Variants in DCAF16 observed in about 807,000 individuals in gnomAD.
DCAF16 encodes the protein DDB1 and CUL4 associated factor 16.
A neutral mutation model predicts 17.3 loss-of-function variants in DCAF16; 10 were observed. The observed-to-expected ratio is 0.58, with a 90% CI of 0.36 to 0.98. The LOEUF is 0.98. DCAF16 is among the 50% of genes least tolerant of loss of function. The pLI is 0.01. For synonymous variants in DCAF16, 111 were observed against 92.8 expected (o/e 1.20, Z -1.12); for missense variants, 249 against 247.6 (o/e 1.01, Z -0.04).
chr4:17,794,094 G>C, the DCAF16 span, among the ~76,000 whole-genome samples: 4 of 152,078 alleles, frequency 2.6e-5, no homozygotes, highest in Non-Finnish European at 5.9e-5. Context: ...ACCATATCTT[G>C]ATAGCAAAAA....
intron 1 of DCAF16, among the ~76,000 whole-genome samples, chr4:17,805,642 A>G (rs1424475516): frequency 1.3e-5 from 2 of 152,218 alleles, no homozygotes; most frequent in Non-Finnish European, 2.9e-5. Context: ...ATTATCCTGA[A>G]TAAGATGAGA....
intron 1 of DCAF16, among the ~76,000 whole-genome samples, chr4:17,808,924 G>A (rs1368786746): frequency 6.6e-6 from 1 of 152,174 alleles, no homozygotes; most frequent in African/African-American, 2.4e-5. Flanking sequence ...AGCTACTTGG[G>A]AGACTGAGGC....
At chr4:17,807,334 G>A (rs1352038625) in intron 1 of DCAF16, among the ~76,000 whole-genome samples, 1 of 152,156 alleles carries the variant, frequency 6.6e-6, no homozygotes, top group Non-Finnish European at 1.5e-5. Flanking sequence ...ATGAGCAATG[G>A]ACAAAGATAT....
At chr4:17,793,576 A>C in the DCAF16 span, among the ~76,000 whole-genome samples, 1 of 152,208 alleles carries the variant, frequency 6.6e-6, no homozygotes. Context: ...GAAGAAGTAC[A>C]TTGCTGAAAG....
intron 1 of DCAF16, among the ~76,000 whole-genome samples, chr4:17,805,966 TACA>T (rs909608696): frequency 9.2e-5 from 14 of 152,180 alleles, no homozygotes; most frequent in African/African-American, 2.2e-4. Flanking sequence ...GACTCTTCTC[TACA>T]ACAACAACAA....
At position 17,803,825 on chromosome 4, in the gene DCAF16, T is replaced by A. The variant is rs1167704189; in HGVS notation, c.317A>T (p.Lys106Ile). ...GGGCCATTCAGGAATTGGTTCCAGT[T>A]TGGGGACACAATGGGAACAATGGGA... ...RLSHCSHCVP[K>I]LEPIPEWPPL... Residue 106 changes from lysine to isoleucine, a missense_variant, in exon 3 of 3, where the codon AAA becomes ATA. Lys to Ile is a moderately radical substitution (Grantham distance 102). Coordinates refer to ENST00000382247, the MANE Select transcript of DCAF16 (RefSeq NM_017741.4). The A allele has an allele frequency of 1.9e-6, 3 of 1,614,198 alleles. No homozygotes were observed. The highest frequency in any genetic ancestry group is 3.3e-5 in the Admixed American group (2 of 60,026).
chr4:17,808,415 T>C (rs969027621), intron 1 of DCAF16, among the ~76,000 whole-genome samples: 7 of 152,196 alleles, frequency 4.6e-5, no homozygotes, highest in Non-Finnish European at 5.9e-5. Flanking sequence ...TCAGAAAATT[T>C]TTAAAAAGGC....
rs1577327792 is a variant in DCAF16 at position 17,810,737 on chromosome 4, T to C, written c.-1040A>G. ...CGGTGGCAAGGCCACTCCGCTCAGC[T>C]CCCGCGCCGACGCTACTTCCGGCCG... On this transcript the variant is annotated 5_prime_UTR_variant, in exon 1 of 3. Transcript: ENST00000382247. 3 of 210,218 alleles carry C rather than the reference T, an allele frequency of 1.4e-5. No individual in the cohort carries two copies. The highest frequency in any genetic ancestry group is 2.0e-4 in the East Asian group (2 of 10,008). The allele number at this position is 210,218 out of a possible 1,614,324, so 13.0% of individuals were successfully genotyped here.
chr4:17,808,330 A>G (rs1720515581), intron 1 of DCAF16, among the ~76,000 whole-genome samples: 1 of 152,134 alleles, frequency 6.6e-6, no homozygotes, highest in African/African-American at 2.4e-5. Context: ...GTCCTCTAAT[A>G]TTTTTACTAT....
In DCAF16 at chr4:17,803,370, A is replaced by G. The variant is rs1419264926; in HGVS notation, c.*121T>C. 4 of 960,758 alleles carry G rather than the reference A, an allele frequency of 4.2e-6. No homozygotes were observed. The highest frequency in any genetic ancestry group is 6.4e-6 in the Non-Finnish European group (4 of 623,280). The allele number at this position is 960,758 out of a possible 1,614,324, so 59.5% of individuals were successfully genotyped here. A position where few individuals can be genotyped will look rare whatever the true frequency, so the allele number is the denominator to read the frequency against. On this transcript the variant is annotated 3_prime_UTR_variant, in exon 3 of 3. Coordinates refer to ENST00000382247, the MANE Select transcript of DCAF16 (RefSeq NM_017741.4). ...ACAGGGTTTGTCAAAGGGTATCCTCATTGGCTTGCCAGGGCATAAGAGAGT... is the reference window on the plus strand; with the variant it reads ...ACAGGGTTTGTCAAAGGGTATCCTCGTTGGCTTGCCAGGGCATAAGAGAGT...
At chr4:17,808,438 A>G (rs776551911) in intron 1 of DCAF16, among the ~76,000 whole-genome samples, 4 of 152,218 alleles carry the variant, frequency 2.6e-5, no homozygotes, top group Admixed American at 6.5e-5. Context: ...TTACTTTCCC[A>G]TAATTGTTTT....
downstream of DCAF16, among the ~76,000 whole-genome samples, chr4:17,800,316 A>G (rs1719651380): frequency 6.6e-6 from 1 of 152,222 alleles, no homozygotes; most frequent in Non-Finnish European, 1.5e-5. Context: ...AGAAGCCAAC[A>G]TAGGGAGTGC....
chr4:17,809,978 T>G (rs1449536065), intron 1 of DCAF16, among the ~76,000 whole-genome samples: 2 of 152,194 alleles, frequency 1.3e-5, no homozygotes, highest in Non-Finnish European at 2.9e-5. Context: ...GTATATTTCC[T>G]CTGTAGATGT....
At chr4:17,810,401 G>C (rs779849683) in intron 1 of DCAF16, 46 bp downstream of exon 1, 1 of 152,292 alleles carries the variant, frequency 6.6e-6, no homozygotes, top group African/African-American at 2.4e-5. Context: ...GGCTTCACCA[G>C]GGCAGGGACT....
chr4:17,804,835 T>C (rs1245009078), intron 2 of DCAF16, 64 bp from the exon 3 acceptor site: 2 of 166,520 alleles, frequency 1.2e-5, no homozygotes, highest in African/African-American at 4.8e-5. Flanking sequence ...AACTTCAAGA[T>C]ATCTAAAATC....
the DCAF16 span, among the ~76,000 whole-genome samples, chr4:17,794,674 G>A: frequency 0.021 from 3,151 of 152,092 alleles, 115 homozygotes; most frequent in African/African-American, 0.072. Flanking sequence ...CTTCTGTGGC[G>A]CACATCTTAT....
chr4:17,809,729 T>C (rs561833859), intron 1 of DCAF16: 1 of 152,300 alleles, frequency 6.6e-6, no homozygotes, highest in African/African-American at 2.4e-5. Context: ...AACCCGTACT[T>C]AATTACATAC....
downstream of DCAF16, among the ~76,000 whole-genome samples, chr4:17,797,331 CATT>C (rs1388342782): frequency 6.6e-6 from 1 of 152,146 alleles, no homozygotes; most frequent in Non-Finnish European, 1.5e-5. Flanking sequence ...TGCCATATTT[CATT>C]ATTTTTCTGA....
downstream of DCAF16, among the ~76,000 whole-genome samples, chr4:17,797,283 A>G (rs968630112): frequency 1.3e-5 from 2 of 152,236 alleles, no homozygotes; most frequent in Non-Finnish European, 2.9e-5. Flanking sequence ...CTAAATTTGA[A>G]TTTCAGATAA....
Sources: gnomAD v4.1 joint callset for allele counts (sites outside exome capture counted in the v4.1 genomes callset) on GRCh38, gnomAD v4.1.1 for gene constraint, MANE v1.5 for transcripts, NCBI Gene and HGNC (gene_info 2026-07-23, HGNC 2026-07-21) for gene names.